Variants in PEX14 observed in about 807,000 individuals in gnomAD.
The protein encoded by PEX14 is peroxisomal biogenesis factor 14.
PEX14 carries 15 observed loss-of-function variants against 49.5 expected under a neutral mutation model. That is an observed-to-expected ratio of 0.30 (90% CI 0.20 to 0.47). PEX14 has a LOEUF of 0.47. Ranked by LOEUF, PEX14 falls within the 20% of genes least tolerant of loss-of-function variation. The pLI is 1.00. For missense variants in PEX14, 398 were observed against 494.8 expected, an observed-to-expected ratio of 0.80 and a Z score of 1.86; for synonymous variants, 210 against 212.7, an observed-to-expected ratio of 0.99 and a Z score of 0.11.
At chr1:10,507,587 A>G (rs1235565471) in intron 2 of PEX14, among the ~76,000 whole-genome samples, 1 of 152,196 alleles carries the variant, frequency 6.6e-6, no homozygotes, top group Non-Finnish European at 1.5e-5. Context: ...ATGTCTATAT[A>G]GCAAGGTGCT....
chr1:10,498,610 C>A (rs1641611552), intron 2 of PEX14, among the ~76,000 whole-genome samples: 2 of 152,198 alleles, frequency 1.3e-5, no homozygotes, highest in Non-Finnish European at 2.9e-5. Context: ...CTTGCCCGTT[C>A]AATCCTGCCT....
Position 10,628,640 on chromosome 1 carries a change from C to T in PEX14, c.678-891C>T, listed in dbSNP as rs556538676. ...GATGGAGGCCAGGCCATCGGGTGACCGTGGGGGCCAAGAAAACTGCACATG... is the reference window on the plus strand; with the variant it reads ...GATGGAGGCCAGGCCATCGGGTGACTGTGGGGGCCAAGAAAACTGCACATG... On this transcript the variant is annotated intron_variant, in intron 8 of 8. Coordinates refer to ENST00000356607, the MANE Select transcript of PEX14 (RefSeq NM_004565.3). This position sits in a 1 kb window ranked among gnomAD's most constrained non-coding sequence, Gnocchi z 4.5. Among the ~76,000 whole-genome samples the T allele has an allele frequency of 6.6e-6, 1 of 152,328 alleles. No homozygotes were observed. Among genetic ancestry groups the T allele is most frequent in the East Asian group, 1.9e-4 (1 of 5,170 alleles).
At chr1:10,627,160 G>C in intron 7 of PEX14, 112 bp from the exon 8 acceptor site, 1 of 787,048 alleles carries the variant, frequency 1.3e-6, no homozygotes, top group Middle Eastern at 3.5e-4. Flanking sequence ...GGGTTCCCCA[G>C]AACAGACCCA....
At chr1:10,572,184 C>T (rs184702490) in intron 3 of PEX14, among the ~76,000 whole-genome samples, 14 of 152,084 alleles carry the variant, frequency 9.2e-5, no homozygotes, top group South Asian at 6.2e-4. Flanking sequence ...ATCTCCCTGA[C>T]GTCTGACATA....
intron 3 of PEX14, among the ~76,000 whole-genome samples, chr1:10,538,803 C>T (rs888362237): frequency 3.3e-5 from 5 of 152,316 alleles, no homozygotes; most frequent in South Asian, 2.1e-4. Flanking sequence ...TTCTGGCACC[C>T]GTGCTCTTGG....
At chr1:10,583,846 A>G (rs1640402781) in intron 3 of PEX14, among the ~76,000 whole-genome samples, 1 of 152,162 alleles carries the variant, frequency 6.6e-6, no homozygotes, top group Non-Finnish European at 1.5e-5. Flanking sequence ...AGAAGCTTGA[A>G]GAGGAAGTTG....
intron 4 of PEX14, among the ~76,000 whole-genome samples, chr1:10,614,352 C>G (rs1170133042): frequency 6.6e-6 from 1 of 151,978 alleles, no homozygotes; most frequent in Non-Finnish European, 1.5e-5. Flanking sequence ...ATAATGAAAA[C>G]CAGGGGGCAA....
rs1454736675 is a variant in PEX14, at chr1:10,623,962, C to T, written c.488-378C>T. Among the ~76,000 whole-genome samples the T allele has an allele frequency of 6.6e-6, 1 of 152,162 alleles. No homozygotes were observed. Among genetic ancestry groups the T allele is most frequent in the African/African-American group, 2.4e-5 (1 of 41,438 alleles). ...AATGTGGCGGGGACCTGAGATGCAT[C>T]TCTCCCAGCATTGGAGACCCCAGGA... On this transcript the variant is annotated intron_variant, in intron 6 of 8. Coordinates refer to ENST00000356607, the MANE Select transcript of PEX14 (RefSeq NM_004565.3). The surrounding 1 kb of genome is among the most constrained non-coding windows in gnomAD (Gnocchi z 4.4).
At chr1:10,586,499 A>G (rs1356286399) in intron 3 of PEX14, among the ~76,000 whole-genome samples, 1 of 152,210 alleles carries the variant, frequency 6.6e-6, no homozygotes, top group African/African-American at 2.4e-5. Context: ...TTATTCATAG[A>G]TGGTCCAAAA....
At position 10,628,492 on chromosome 1, in the gene PEX14, C is replaced by T. The variant is rs1380975063; in HGVS notation, c.678-1039C>T. 3.9e-5 allele frequency among the ~76,000 whole-genome samples: 6 copies of T among 152,244 alleles called. No individual in the cohort carries two copies. Among genetic ancestry groups the T allele is most frequent in the Admixed American group, 3.9e-4 (6 of 15,286 alleles). On this transcript the variant is annotated intron_variant, in intron 8 of 8. Coordinates refer to ENST00000356607, the MANE Select transcript of PEX14 (RefSeq NM_004565.3). This position sits in a 1 kb window ranked among gnomAD's most constrained non-coding sequence, Gnocchi z 4.5. ...CCATTTTCCAAGCCACCCAACTTCCCGGTTTTCCCTGAGGAAAAGAACATG... is the reference window on the plus strand; with the variant it reads ...CCATTTTCCAAGCCACCCAACTTCCTGGTTTTCCCTGAGGAAAAGAACATG...
intron 3 of PEX14, among the ~76,000 whole-genome samples, chr1:10,578,065 A>G (rs1640204092): frequency 6.6e-6 from 1 of 151,524 alleles, no homozygotes; most frequent in East Asian, 1.9e-4. Flanking sequence ...TTGAGGAATC[A>G]GGGGATATTT....
intron 1 of PEX14, among the ~76,000 whole-genome samples, chr1:10,479,018 TG>T (rs1212455530): frequency 6.6e-6 from 1 of 151,920 alleles, no homozygotes; most frequent in African/African-American, 2.4e-5. Flanking sequence ...CCCAAAGTGC[TG>T]GGATTACAGG....
At chr1:10,618,281 A>G (rs1018365141) in intron 4 of PEX14, 51 bp from the exon 5 acceptor site, 2 of 1,478,672 alleles carry the variant, frequency 1.4e-6, no homozygotes, top group Non-Finnish European at 1.9e-6. Context: ...CCCCCACCCG[A>G]AGAAGGACGC....
At position 10,512,904 on chromosome 1, in the gene PEX14, A is replaced by G. The variant is rs1244216596; in HGVS notation, c.84+17583A>G. 6.6e-6 allele frequency among the ~76,000 whole-genome samples: 1 copy of G among 152,006 alleles called. No homozygotes were observed. The highest frequency in any genetic ancestry group is 1.5e-5 in the Non-Finnish European group (1 of 67,978). On this transcript the variant is annotated intron_variant, in intron 2 of 8. Coordinates refer to ENST00000356607, the MANE Select transcript of PEX14 (RefSeq NM_004565.3). The surrounding 1 kb of genome is among the most constrained non-coding windows in gnomAD (Gnocchi z 4.6). The stretch of plus-strand genomic sequence containing the variant: ...AGTAGAGATGAGGTTTCATCGTGTT[A>G]GCTGGGATGGTCTGGATCTCGTGAC...
intron 2 of PEX14, among the ~76,000 whole-genome samples, chr1:10,530,496 ACCTCAAGGTTATTCCCCTCTTG>A (rs1402407639): frequency 1.3e-5 from 2 of 152,174 alleles, no homozygotes; most frequent in African/African-American, 4.8e-5. Flanking sequence ...GGGCTCGTCC[ACCTCAAGGTTATTCCCCTCTTG>A]CCATTCCAGT....
chr1:10,565,961 A>G (rs976444925), intron 3 of PEX14, among the ~76,000 whole-genome samples: 1 of 152,198 alleles, frequency 6.6e-6, no homozygotes, highest in Admixed American at 6.5e-5. Context: ...CCATTTGTTT[A>G]TTTATTTACA....
chr1:10,603,567 G>A (rs955298775), intron 4 of PEX14, among the ~76,000 whole-genome samples: 2 of 152,096 alleles, frequency 1.3e-5, no homozygotes, highest in African/African-American at 2.4e-5. Flanking sequence ...GCTGTGATTC[G>A]AGAGAAGATT....
At chr1:10,573,243 ACTC>A (rs924770516) in intron 3 of PEX14, among the ~76,000 whole-genome samples, 2 of 152,296 alleles carry the variant, frequency 1.3e-5, no homozygotes, top group African/African-American at 2.4e-5. Flanking sequence ...TATATAGAGA[ACTC>A]CTACAAATCA....
intron 2 of PEX14, among the ~76,000 whole-genome samples, chr1:10,498,844 C>G (rs986206770): frequency 2.0e-4 from 30 of 152,238 alleles, no homozygotes; most frequent in Non-Finnish European, 7.3e-5. Flanking sequence ...GCTTTGCCTG[C>G]TGAGGCAAGG....
Sources: gnomAD v4.1 joint callset for allele counts (sites outside exome capture counted in the v4.1 genomes callset) on GRCh38, gnomAD v4.1.1 for gene constraint, Gnocchi (gnomAD v3.1) non-coding constraint, MANE v1.5 for transcripts, NCBI Gene and HGNC (gene_info 2026-07-23, HGNC 2026-07-21) for gene names.